DCHS2: variants seen among roughly 807,000 people sequenced by gnomAD.
DCHS2 encodes dachsous cadherin-related 2.
A neutral mutation model predicts 182.4 loss-of-function variants in DCHS2; 142 were observed. The ratio of observed to expected loss-of-function variants is 0.78; its 90% CI spans 0.68 to 0.89. The LOEUF (loss-of-function observed/expected upper bound fraction) is 0.89. Among genes scored for constraint, DCHS2 ranks in the 40% least tolerant of loss-of-function variants. DCHS2 has a pLI of 0.00. For synonymous variants in DCHS2, 1,740 were observed against 1,663.3 expected (o/e 1.05, Z -1.12); for missense variants, 4,319 against 4,198.6 (o/e 1.03, Z -0.79).
At chr4:154,424,212 A>G (rs184118790) in intron 1 of DCHS2, among the ~76,000 whole-genome samples, 92 of 152,350 alleles carry the variant, frequency 6.0e-4, no homozygotes, top group Non-Finnish European at 8.8e-5. Flanking sequence ...AAATCAAAGA[A>G]TTCAAGAAAA....
At chr4:154,390,435 G>A (rs536276081) in intron 1 of DCHS2, among the ~76,000 whole-genome samples, 1 of 151,620 alleles carries the variant, frequency 6.6e-6, no homozygotes, top group African/African-American at 2.4e-5. Context: ...GGAAATACTG[G>A]TAGCAACTGT....
intron 1 of DCHS2, among the ~76,000 whole-genome samples, chr4:154,418,359 G>A (rs1020250359): frequency 6.6e-6 from 1 of 152,166 alleles, no homozygotes; most frequent in Non-Finnish European, 1.5e-5. Context: ...TTAAAAACAG[G>A]ACACTACTTT....
intron 10 of DCHS2, among the ~76,000 whole-genome samples, chr4:154,306,030 C>T (rs1844671): frequency 1 from 152,246 of 152,260 alleles, 76,116 homozygotes; most frequent in Middle Eastern, 1. Flanking sequence ...TAATAAAAGA[C>T]GAAATGTCAT....
At chr4:154,261,138 C>T (rs1266918072) in intron 14 of DCHS2, among the ~76,000 whole-genome samples, 3 of 152,104 alleles carry the variant, frequency 2.0e-5, no homozygotes, top group Non-Finnish European at 2.9e-5. Flanking sequence ...GGCATAAATC[C>T]GAGGCCTAGA....
chr4:154,278,629 A>AG (rs1733980224), intron 13 of DCHS2, among the ~76,000 whole-genome samples: 2 of 151,864 alleles, frequency 1.3e-5, no homozygotes, highest in Non-Finnish European at 2.9e-5. Context: ...TAAAAAAAAA[A>AG]AGAGAAAGAA....
At chr4:154,264,581 AGCTAGCTTCTTAATGCGACAATG>A (rs1211501745) in intron 14 of DCHS2, among the ~76,000 whole-genome samples, 1 of 152,236 alleles carries the variant, frequency 6.6e-6, no homozygotes, top group Non-Finnish European at 1.5e-5. Flanking sequence ...TTAGATCAAC[AGCTAGCTTCTTAATGCGACAATG>A]GGATGCCAGA....
chr4:154,258,236 A>T (rs1191987789), intron 15 of DCHS2, among the ~76,000 whole-genome samples: 1 of 152,122 alleles, frequency 6.6e-6, no homozygotes, highest in East Asian at 1.9e-4. Context: ...AGCCTAGGGG[A>T]TCCCAGATAT....
chr4:154,491,362 T>A lies in DCHS2; in HGVS notation c.-7A>T. The A allele has an allele frequency of 6.6e-7, 1 of 1,506,870 alleles. No individual in the cohort carries two copies. The allele number at this position is 1,506,870 out of a possible 1,614,324, so 93.3% of individuals were successfully genotyped here. ...TCCGCCCACAAGGGCTCATTTCTCC[T>A]CCAGCTCCTTGGGAAGGCTCTCGGG... On this transcript the variant is annotated 5_prime_UTR_variant, in exon 1 of 20. Coordinates refer to ENST00000357232, the MANE Select transcript of DCHS2 (RefSeq NM_001358235.2).
chr4:154,409,207 T>A (rs761789129), intron 1 of DCHS2, among the ~76,000 whole-genome samples: 1 of 151,498 alleles, frequency 6.6e-6, no homozygotes, highest in Non-Finnish European at 1.5e-5. Context: ...GGGAGTGGAG[T>A]CATTACTGTG....
Position 154,377,351 on chromosome 4 carries a change from G to A in DCHS2, c.2146C>T (p.Arg716Trp), listed in dbSNP as rs145708709. ...ATTTGCCCATCATGAGGGTCGATCC[G>A]GAATGCCTGAGGTGCTTCATAGCTC... ...FLSYEAPQAF[R>W]IDPHDGQICV... The change falls in exon 2 of 20, where the codon CGG (arginine) becomes TGG (tryptophan). Residue 716 changes from arginine (R) to tryptophan (W), a missense_variant. By Grantham distance (101) the Arg-to-Trp change is moderately radical. Transcript: ENST00000357232. The A allele has an allele frequency of 1.2e-4, 196 of 1,613,588 alleles. 1 individual carries two copies. In the East Asian group the frequency reaches 4.0e-3, roughly 33 times the overall value.
At chr4:154,325,323 G>A (rs1321525739) in intron 7 of DCHS2, among the ~76,000 whole-genome samples, 1,252 of 78,340 alleles carry the variant, frequency 0.016, 16 homozygotes, top group African/African-American at 0.03. Context: ...AGCCGTGTGT[G>A]TGTGTGTGTG....
At chr4:154,313,511 T>A (rs554411506) in intron 10 of DCHS2, among the ~76,000 whole-genome samples, 2 of 152,242 alleles carry the variant, frequency 1.3e-5, no homozygotes, top group Admixed American at 6.5e-5. Flanking sequence ...TTTAAAAAAA[T>A]ACGTACTATA....
At chr4:154,416,973 C>T (rs942231673) in intron 1 of DCHS2, among the ~76,000 whole-genome samples, 1 of 152,102 alleles carries the variant, frequency 6.6e-6, no homozygotes, top group African/African-American at 2.4e-5. Flanking sequence ...CCCGTCACTC[C>T]CGTCCTCCCA....
intron 16 of DCHS2, among the ~76,000 whole-genome samples, chr4:154,244,750 A>G (rs1377598249): frequency 6.6e-6 from 1 of 152,206 alleles, no homozygotes; most frequent in Non-Finnish European, 1.5e-5. Flanking sequence ...CAGAGTTGGA[A>G]TATTAGTAGA....
intron 7 of DCHS2, chr4:154,323,031 A>T (rs1736136583): frequency 1.6e-6 from 1 of 621,040 alleles, no homozygotes; most frequent in African/African-American, 1.8e-5. Context: ...TAAAGTCCAT[A>T]TATTGCATAT....
chr4:154,324,054 T>C (rs1197306762), intron 7 of DCHS2, among the ~76,000 whole-genome samples: 13 of 152,234 alleles, frequency 8.5e-5, no homozygotes, highest in Admixed American at 8.5e-4. Flanking sequence ...CTCGATGAGT[T>C]AAACTTTTAT....
chr4:154,262,837 A>G lies in DCHS2; in HGVS notation c.6578-3081T>C, dbSNP rs574532574. On this transcript the variant is annotated intron_variant, in intron 14 of 19. Coordinates refer to ENST00000357232, the MANE Select transcript of DCHS2 (RefSeq NM_001358235.2). ...TTTGTTTTGCGCCACTCTAATAAAT[A>G]CTAAAATGAATGCTGCCATCTGTTA... Among the ~76,000 whole-genome samples the G allele has an allele frequency of 3.6e-4, 55 of 152,366 alleles. No homozygotes were observed. The South Asian group carries it at 5.8e-3, about 16-fold the overall frequency.
rs1401529705 is a variant in DCHS2, at chr4:154,491,156, A to G, written c.200T>C (p.Phe67Ser). ...CTCATCTACGGAAAGGGTGAGGTTGAACAACTGGGCAGAGGAGCCCGAGGC... is the reference window on the plus strand; with the variant it reads ...CTCATCTACGGAAAGGGTGAGGTTGGACAACTGGGCAGAGGAGCCCGAGGC... ...WAASGSSAQL[F>S]NLTLSVDEGL... Residue 67 changes from phenylalanine to serine, a missense_variant, in exon 1 of 20, where the codon TTC becomes TCC. Coordinates refer to ENST00000357232, the MANE Select transcript of DCHS2 (RefSeq NM_001358235.2). 1 of 1,551,312 alleles carries G rather than the reference A, an allele frequency of 6.4e-7. No individual in the cohort carries two copies. Among genetic ancestry groups the G allele is most frequent in the East Asian group, 2.4e-5 (1 of 40,876 alleles).
At chr4:154,416,913 AAACT>A (rs1293920588) in intron 1 of DCHS2, among the ~76,000 whole-genome samples, 1 of 152,060 alleles carries the variant, frequency 6.6e-6, no homozygotes, top group African/African-American at 2.4e-5. Flanking sequence ...TCCGAGGCCA[AAACT>A]AACACGAAAT....
Sources: allele counts gnomAD v4.1 joint callset (sites outside exome capture counted in the v4.1 genomes callset), GRCh38; gene constraint gnomAD v4.1.1; transcripts MANE v1.5; gene names NCBI Gene and HGNC (gene_info 2026-07-23, HGNC 2026-07-21).